Variants in TNN observed in about 807,000 individuals in gnomAD.
The protein encoded by TNN is tenascin-N.
A neutral mutation model predicts 134.4 loss-of-function variants in TNN; 122 were observed. The ratio of observed to expected loss-of-function variants is 0.91; its 90% CI spans 0.78 to 1.06. The LOEUF (loss-of-function observed/expected upper bound fraction) is 1.06, where lower values mean the gene tolerates loss of function less well. TNN is among the 50% of genes least tolerant of loss of function. TNN has a pLI of 0.00. For missense variants in TNN, 1,739 were observed against 1,699.4 expected, an observed-to-expected ratio of 1.02 and a Z score of -0.41; for synonymous variants, 710 against 670.3, an observed-to-expected ratio of 1.06 and a Z score of -0.91.
At chr1:175,126,871 G>T in intron 12 of TNN, 84 bp from the exon 13 acceptor site, 1 of 1,464,278 alleles carries the variant, frequency 6.8e-7, no homozygotes, top group African/African-American at 1.4e-5. Flanking sequence ...GTTTGAAAAG[G>T]GGAAAATATA....
At chr1:175,145,539 C>A (rs1894708) in intron 18 of TNN, among the ~76,000 whole-genome samples, 95,289 of 121,100 alleles carry the variant, frequency 0.79, 37,394 homozygotes, top group Admixed American at 0.82. Context: ...GGTGGCAGAG[C>A]AAGACCCTGT....
intron 9 of TNN, among the ~76,000 whole-genome samples, chr1:175,114,179 C>T (rs1251429955): frequency 1.3e-5 from 2 of 152,160 alleles, no homozygotes; most frequent in African/African-American, 4.8e-5. Context: ...GAACAATTGC[C>T]TCTTCTAAAC....
Position 175,078,236 on chromosome 1 carries a change from A to G in TNN, c.409+409A>G, listed in dbSNP as rs76683086. 3.3e-4 allele frequency among the ~76,000 whole-genome samples: 50 copies of G among 152,324 alleles called. No individual in the cohort carries two copies. In the East Asian group the frequency reaches 8.5e-3, roughly 26 times the overall value. ...ACTTTTTAGCTGTGTGACTTTGGGTAAATCCCTTATGTTTCCTCAACTGTC... is the reference window on the plus strand; with the variant it reads ...ACTTTTTAGCTGTGTGACTTTGGGTGAATCCCTTATGTTTCCTCAACTGTC... On this transcript the variant is annotated intron_variant, in intron 2 of 18. Coordinates refer to ENST00000239462, the MANE Select transcript of TNN (RefSeq NM_022093.2).
intron 1 of TNN, among the ~76,000 whole-genome samples, chr1:175,074,941 AC>A (rs1416725937): frequency 6.6e-6 from 1 of 152,234 alleles, no homozygotes; most frequent in Non-Finnish European, 1.5e-5. Flanking sequence ...TTGTTGGGCA[AC>A]CCTGGCAAAT....
Position 175,083,399 on chromosome 1 carries a change from A to G in TNN, c.1049-351A>G, listed in dbSNP as rs543394983. 3.9e-5 allele frequency among the ~76,000 whole-genome samples: 6 copies of G among 152,328 alleles called. No homozygotes were observed. The South Asian group carries it at 1.2e-3, about 32-fold the overall frequency. ...CAGCTGAAGAGTGGGCCTTTAGTTC[A>G]GGGCTGTAGCTGTCAGAGCTCTGGA... On this transcript the variant is annotated intron_variant, in intron 4 of 18. Transcript: ENST00000239462.
intron 10 of TNN, 100 bp from the exon 11 acceptor site, chr1:175,118,461 C>A: frequency 7.1e-7 from 1 of 1,415,602 alleles, no homozygotes; most frequent in South Asian, 1.3e-5. Context: ...GCGGAAACCC[C>A]ACACAACATG....
At chr1:175,126,692 C>T (rs965402820) in intron 12 of TNN, among the ~76,000 whole-genome samples, 4 of 152,120 alleles carry the variant, frequency 2.6e-5, no homozygotes, top group African/African-American at 9.7e-5. Context: ...TTTGTGGGAA[C>T]CTGCCTGGGA....
intron 5 of TNN, 139 bp from the exon 6 acceptor site, chr1:175,085,266 C>A: frequency 1.6e-6 from 1 of 627,896 alleles, no homozygotes; most frequent in South Asian, 1.9e-5. Context: ...CTTTATTTGC[C>A]TGCAAATACA....
chr1:175,109,170 G>C (rs1239918494), intron 9 of TNN, among the ~76,000 whole-genome samples: 5 of 129,460 alleles, frequency 3.9e-5, no homozygotes, highest in Non-Finnish European at 7.9e-5. Context: ...CTCACTGCAA[G>C]CTCCGCTTCC....
intron 6 of TNN, among the ~76,000 whole-genome samples, chr1:175,086,740 A>T (rs1252767756): frequency 6.6e-6 from 1 of 152,222 alleles, no homozygotes; most frequent in Non-Finnish European, 1.5e-5. Flanking sequence ...AATGGAGAAC[A>T]TATAACTTAA....
rs184141957 is a variant in TNN, at chr1:175,089,170, G to C, written c.1324+3676G>C. On this transcript the variant is annotated intron_variant, in intron 6 of 18. Coordinates refer to ENST00000239462, the MANE Select transcript of TNN (RefSeq NM_022093.2). The stretch of plus-strand genomic sequence containing the variant: ...CTGGCTAGACTGTTAATTAATTTAA[G>C]GGAAAAGAAGAATCTCTGTTTTCTC... 1.4e-3 allele frequency among the ~76,000 whole-genome samples: 216 copies of C among 152,304 alleles called. 3 individuals are homozygous for C. Among genetic ancestry groups the C allele is most frequent in the Non-Finnish European group, 1.5e-3 (100 of 68,022 alleles).
rs1558358735 is a variant in TNN at position 175,103,690 on chromosome 1, T to G, written c.2119+5095T>G. 1.4e-5 allele frequency among the ~76,000 whole-genome samples: 2 copies of G among 145,508 alleles called. 1 individual carries two copies. Among genetic ancestry groups the G allele is most frequent in the East Asian group, 4.6e-4 (2 of 4,338 alleles). ...GTCCCTCTTTCTGACTCCTTTTTTT[T>G]GTCTCTGTTTCTGACTACCTCTTTG... On this transcript the variant is annotated intron_variant, in intron 9 of 18. Coordinates refer to ENST00000239462, the MANE Select transcript of TNN (RefSeq NM_022093.2).
At chr1:175,118,943 G>A (rs1454347253) in intron 11 of TNN, 119 bp downstream of exon 11, 39 of 1,341,060 alleles carry the variant, frequency 2.9e-5, no homozygotes, top group Admixed American at 5.6e-5. Context: ...ACTGTTTTAG[G>A]AGAGTTTGCT....
At chr1:175,097,111 C>T (rs1199182787) in intron 7 of TNN, among the ~76,000 whole-genome samples, 1 of 152,088 alleles carries the variant, frequency 6.6e-6, no homozygotes, top group Non-Finnish European at 1.5e-5. Context: ...TTATATAAAT[C>T]CAGGGTAAAG....
In TNN at chr1:175,130,194, G is replaced by A. The variant is rs78455431; in HGVS notation, c.3330+1448G>A. On this transcript the variant is annotated intron_variant, in intron 15 of 18. Coordinates refer to ENST00000239462, the MANE Select transcript of TNN (RefSeq NM_022093.2). Reference sequence around the variant, plus strand: ...CATCCGCAACTCACTGTGGGAAAGAGAGAGCATGATCTCATAGTGCTCAAA... The same window carrying A: ...CATCCGCAACTCACTGTGGGAAAGAAAGAGCATGATCTCATAGTGCTCAAA... Among the ~76,000 whole-genome samples, 1,242 of 152,330 alleles carry A rather than the reference G, an allele frequency of 8.2e-3. 24 individuals carry two copies. The highest frequency in any genetic ancestry group is 0.029 in the African/African-American group (1,187 of 41,564).
chr1:175,131,078 A>G (rs1456928307), intron 15 of TNN, among the ~76,000 whole-genome samples: 1 of 152,186 alleles, frequency 6.6e-6, no homozygotes, highest in African/African-American at 2.4e-5. Context: ...TCACTGAAGG[A>G]TGACCCATGG....
At chr1:175,087,838 G>A (rs1674353466) in intron 6 of TNN, among the ~76,000 whole-genome samples, 1 of 152,234 alleles carries the variant, frequency 6.6e-6, no homozygotes, top group Non-Finnish European at 1.5e-5. Context: ...TAGAAATTGG[G>A]GGTTCTTATG....
At chr1:175,114,084 G>A (rs1411277212) in intron 9 of TNN, among the ~76,000 whole-genome samples, 1 of 152,146 alleles carries the variant, frequency 6.6e-6, no homozygotes, top group African/African-American at 2.4e-5. Context: ...TTTCTAGAGA[G>A]TTATTATGTT....
chr1:175,132,897 C>T lies in TNN; in HGVS notation c.3331-2948C>T, dbSNP rs566352876. 4.0e-4 allele frequency among the ~76,000 whole-genome samples: 61 copies of T among 152,274 alleles called. 1 individual carries two copies. In the South Asian group the frequency reaches 0.012, roughly 31 times the overall value. The stretch of plus-strand genomic sequence containing the variant: ...TGCAGGGTAACCTACTCTCTCTTCC[C>T]GGAGAAAAATATAAAGAAGGCACAA... On this transcript the variant is annotated intron_variant, in intron 15 of 18. Transcript: ENST00000239462.
Sources: allele counts gnomAD v4.1 joint callset (sites outside exome capture counted in the v4.1 genomes callset), GRCh38; gene constraint gnomAD v4.1.1; transcripts MANE v1.5; gene names NCBI Gene and HGNC (gene_info 2026-07-23, HGNC 2026-07-21).